Variants in ZEB2 observed in about 807,000 individuals in gnomAD.
ZEB2 encodes zinc finger E-box binding homeobox 2.
Under a neutral mutation model 99.9 loss-of-function variants are expected in ZEB2, and 6 were observed. That is an observed-to-expected ratio of 0.06 (90% CI 0.03 to 0.12). ZEB2 has a LOEUF of 0.12. Ranked by LOEUF, ZEB2 falls within the 10% of genes least tolerant of loss-of-function variation. The pLI is 1.00. For synonymous variants in ZEB2, 517 were observed against 542.5 expected (o/e 0.95, Z 0.65); for missense variants, 969 against 1,502.8 (o/e 0.64, Z 5.87).
chr2:144,519,387 C>G, intron 1 of ZEB2: 1 of 152,628 alleles, frequency 6.6e-6, no homozygotes, highest in Non-Finnish European at 1.5e-5. Flanking sequence ...CAGACAAAAA[C>G]AGACAACTTT....
At chr2:144,418,634 G>A (rs1359657516) in intron 4 of ZEB2, among the ~76,000 whole-genome samples, 1 of 151,888 alleles carries the variant, frequency 6.6e-6, no homozygotes, top group African/African-American at 2.4e-5. Context: ...GTTGCAGTGA[G>A]CCGAAATTGC....
At position 144,387,564 on chromosome 2, in the gene ZEB2, T is replaced by G. The variant is rs539580957; in HGVS notation, c.*1887A>C. 2.6e-5 allele frequency: 4 copies of G among 152,270 alleles called. No individual in the cohort carries two copies. Among genetic ancestry groups the G allele is most frequent in the African/African-American group, 9.6e-5 (4 of 41,578 alleles). 9.4% of individuals were successfully genotyped at this position (152,270 alleles called of 1,614,324 possible). The stretch of plus-strand genomic sequence containing the variant: ...ATAAACGGTAAACTACTGTCTGCAT[T>G]TCAAAAAGTGAGATAAACTATCCCA... On this transcript the variant is annotated 3_prime_UTR_variant, in exon 10 of 10. Coordinates refer to ENST00000627532, the MANE Select transcript of ZEB2 (RefSeq NM_014795.4).
At chr2:144,450,708 C>CTCAG (rs1488222983) in intron 2 of ZEB2, among the ~76,000 whole-genome samples, 3 of 152,188 alleles carry the variant, frequency 2.0e-5, no homozygotes, top group Non-Finnish European at 2.9e-5. Context: ...TGGAGTCTCA[C>CTCAG]TCAGTCACCC....
intron 2 of ZEB2, among the ~76,000 whole-genome samples, chr2:144,445,969 C>T (rs1171205922): frequency 1.3e-5 from 2 of 152,160 alleles, no homozygotes; most frequent in Admixed American, 6.6e-5. Flanking sequence ...GCTTTTCAGT[C>T]GCATTTGTTG....
At chr2:144,497,993 T>TTAA (rs1180876105) in intron 2 of ZEB2, among the ~76,000 whole-genome samples, 1 of 2,168 alleles carries the variant, frequency 4.6e-4, no homozygotes, top group African/African-American at 1.2e-3. Context: ...TATATTAATA[T>TTAA]TATATATTAT....
Position 144,404,137 on chromosome 2 carries a change from C to T in ZEB2, c.593-7G>A, listed in dbSNP as rs1703350014. The T allele has an allele frequency of 6.2e-7, 1 of 1,613,610 alleles. No homozygotes were observed. The highest frequency in any genetic ancestry group is 1.7e-5 in the Admixed American group (1 of 59,974). On this transcript the variant is annotated splice_region_variant and splice_polypyrimidine_tract_variant and intron_variant, in intron 5 of 9. Transcript: ENST00000627532. ...GGAGTTCCAGGTGGCAGGTCTGTAGCCGAGAGACAGAGAGAGAGAGAAGCG... is the reference window on the plus strand; with the variant it reads ...GGAGTTCCAGGTGGCAGGTCTGTAGTCGAGAGACAGAGAGAGAGAGAAGCG...
intron 2 of ZEB2, among the ~76,000 whole-genome samples, chr2:144,475,415 ATAATTGTGAACCTAT>A (rs1704416744): frequency 6.6e-6 from 1 of 152,172 alleles, no homozygotes; most frequent in Non-Finnish European, 1.5e-5. Context: ...TTCCTTAGAT[ATAATTGTGAACCTAT>A]TACACATGGA....
intron 9 of ZEB2, among the ~76,000 whole-genome samples, chr2:144,391,494 A>G (rs1403049195): frequency 1.3e-5 from 2 of 152,230 alleles, no homozygotes; most frequent in African/African-American, 2.4e-5. Flanking sequence ...CAAACCACAC[A>G]AGAACCATTC....
intron 2 of ZEB2, among the ~76,000 whole-genome samples, chr2:144,448,285 G>C (rs1246072358): frequency 6.6e-6 from 1 of 152,146 alleles, no homozygotes; most frequent in Non-Finnish European, 1.5e-5. Flanking sequence ...TTAGGAGTTT[G>C]GGGGCACCTG....
At chr2:144,406,225 T>G (rs964488682) in intron 4 of ZEB2, among the ~76,000 whole-genome samples, 1 of 152,134 alleles carries the variant, frequency 6.6e-6, no homozygotes, top group Non-Finnish European at 1.5e-5. Context: ...GAATAGAAAG[T>G]GGAACTATCC....
intron 2 of ZEB2, among the ~76,000 whole-genome samples, chr2:144,491,402 G>A (rs542805690): frequency 1.3e-5 from 2 of 151,520 alleles, no homozygotes; most frequent in Non-Finnish European, 2.9e-5. Flanking sequence ...TGAAAAAAGG[G>A]GGCACAAAAG....
intron 4 of ZEB2, among the ~76,000 whole-genome samples, chr2:144,421,685 T>C (rs1703620592): frequency 6.6e-6 from 1 of 152,006 alleles, no homozygotes; most frequent in African/African-American, 2.4e-5. Flanking sequence ...AAGAAAATCT[T>C]TGTTGATTTT....
chr2:144,476,404 C>T (rs1341716288), intron 2 of ZEB2, among the ~76,000 whole-genome samples: 1 of 152,164 alleles, frequency 6.6e-6, no homozygotes, highest in Non-Finnish European at 1.5e-5. Context: ...TGAAGCTCAG[C>T]ACACCTACTC....
chr2:144,430,990 C>G (rs978962631), intron 2 of ZEB2: 1 of 152,074 alleles, frequency 6.6e-6, no homozygotes, highest in Non-Finnish European at 1.5e-5. Flanking sequence ...CCAGCCGTTA[C>G]GCACACACAG....
intron 2 of ZEB2, among the ~76,000 whole-genome samples, chr2:144,505,088 GCACA>G (rs763328919): frequency 1.1e-3 from 162 of 150,708 alleles, no homozygotes; most frequent in Non-Finnish European, 1.0e-3. Flanking sequence ...GGGAAAAAAC[GCACA>G]CACAAAGGCA....
In ZEB2 at chr2:144,482,793, A is replaced by G. The variant is rs528305152; in HGVS notation, c.73+34485T>C. Among the ~76,000 whole-genome samples the G allele has an allele frequency of 3.5e-5, 5 of 144,852 alleles. No individual in the cohort carries two copies. In the East Asian group the frequency reaches 7.9e-4, roughly 23 times the overall value. ...TTCTATCTTCTACCTTTTTACTTTTACAGTTAGACTCTTCCCTCACCACCT... is the reference window on the plus strand; with the variant it reads ...TTCTATCTTCTACCTTTTTACTTTTGCAGTTAGACTCTTCCCTCACCACCT... On this transcript the variant is annotated intron_variant, in intron 2 of 9. Transcript: ENST00000627532.
chr2:144,499,613 G>C (rs1348673347), intron 2 of ZEB2, among the ~76,000 whole-genome samples: 1 of 152,166 alleles, frequency 6.6e-6, no homozygotes, highest in Non-Finnish European at 1.5e-5. Flanking sequence ...AAGATTCTAA[G>C]AAAAATATCA....
At chr2:144,396,671 G>A (rs372418122) in intron 8 of ZEB2, 79 bp from the exon 9 acceptor site, 6 of 1,489,378 alleles carry the variant, frequency 4.0e-6, no homozygotes, top group Non-Finnish European at 9.2e-7. Context: ...GGGGACATTT[G>A]GAGAACCTCA....
At chr2:144,405,094 C>T in intron 4 of ZEB2, 70 bp from the exon 5 acceptor site, 1 of 1,511,962 alleles carries the variant, frequency 6.6e-7, no homozygotes, top group Non-Finnish European at 9.1e-7. Flanking sequence ...CCATCTCCAT[C>T]ATAGCCAGTG....
Sources: gnomAD v4.1 joint callset for allele counts (sites outside exome capture counted in the v4.1 genomes callset) on GRCh38, gnomAD v4.1.1 for gene constraint, MANE v1.5 for transcripts, NCBI Gene and HGNC (gene_info 2026-07-23, HGNC 2026-07-21) for gene names.